VPS41: variants seen among roughly 807,000 people sequenced by gnomAD.
VPS41 encodes vacuolar protein sorting-associated protein 41 homolog.
Under a neutral mutation model 130.9 loss-of-function variants are expected in VPS41, and 85 were observed. The observed-to-expected ratio is 0.65, with a 90% confidence interval of 0.55 to 0.78. VPS41 has a LOEUF of 0.78. Ranked by LOEUF, VPS41 falls within the 30% of genes least tolerant of loss-of-function variation. VPS41 has a pLI of 0.00. For synonymous variants in VPS41, 335 were observed against 332.9 expected (o/e 1.01, Z -0.07); for missense variants, 874 against 1,018.7 (o/e 0.86, Z 1.93).
chr7:38,884,832 C>T (rs1786688315), intron 2 of VPS41, among the ~76,000 whole-genome samples: 2 of 152,180 alleles, frequency 1.3e-5, no homozygotes, highest in African/African-American at 4.8e-5. Context: ...AAGCAGACCT[C>T]AAAACACTTC....
intron 17 of VPS41, among the ~76,000 whole-genome samples, chr7:38,758,967 T>C (rs2115748119): frequency 6.6e-6 from 1 of 152,358 alleles, no homozygotes; most frequent in Admixed American, 6.5e-5. Flanking sequence ...TACCTTGCCC[T>C]CTGCATCTAA....
intron 22 of VPS41, among the ~76,000 whole-genome samples, chr7:38,748,843 T>C (rs1256295426): frequency 6.6e-6 from 1 of 152,158 alleles, no homozygotes; most frequent in East Asian, 1.9e-4. Flanking sequence ...GTTCTAAGTC[T>C]TGGTCCCTCA....
intron 22 of VPS41, chr7:38,745,923 A>T: frequency 3.6e-6 from 1 of 279,498 alleles, no homozygotes; most frequent in Non-Finnish European, 6.7e-6. Flanking sequence ...TCTTTACACT[A>T]CTTCAGGTTT....
Position 38,726,926 on chromosome 7 carries a change from G to T in VPS41, c.2467C>A (p.Leu823Met). Residue 823 changes from leucine to methionine, a missense_variant, in exon 28 of 29, where the codon CTG (leucine) becomes ATG (methionine). Transcript: ENST00000310301. ...HCRHMFHKECLPMPSMNSAAQ... is the reference protein window; with the variant it reads ...HCRHMFHKECMPMPSMNSAAQ... ...CAACTCACCATGCTGGGCATGGGCA[G>T]GCACTCCTTGTGGAACATGTGCCGG... 2 of 1,585,100 alleles carry T rather than the reference G, an allele frequency of 1.3e-6. No homozygotes were observed. Among genetic ancestry groups the T allele is most frequent in the Non-Finnish European group, 1.7e-6 (2 of 1,165,674 alleles).
At chr7:38,738,750 A>ACT (rs1795823415) in intron 25 of VPS41, among the ~76,000 whole-genome samples, 1 of 152,226 alleles carries the variant, frequency 6.6e-6, no homozygotes, top group Admixed American at 6.5e-5. Context: ...AATACATGCC[A>ACT]CTTGCATCTT....
chr7:38,817,942 A>C, intron 6 of VPS41, 60 bp from the exon 7 acceptor site: 1 of 1,292,536 alleles, frequency 7.7e-7, no homozygotes, highest in Non-Finnish European at 1.1e-6. Flanking sequence ...ACAGAATGAA[A>C]ACCCCTGACA....
At chr7:38,732,050 A>G (rs144918746) in intron 25 of VPS41, among the ~76,000 whole-genome samples, 144 of 152,308 alleles carry the variant, frequency 9.5e-4, no homozygotes, top group African/African-American at 3.4e-3. Flanking sequence ...AAGCCTGGGA[A>G]AGCAGCCCTT....
In VPS41 at chr7:38,898,106, A is replaced by G. The variant is rs1309308244; in HGVS notation, c.45T>C (p.Ser15=). The G allele has an allele frequency of 1.9e-6, 3 of 1,613,686 alleles. No individual in the cohort carries two copies. Among genetic ancestry groups the G allele is most frequent in the Non-Finnish European group, 2.5e-6 (3 of 1,179,766 alleles). The change falls in exon 2 of 29, where the codon TCT becomes TCC. Residue 15 remains serine (S), a synonymous_variant. Transcript: ENST00000310301. ...ACCACCTTACCTCAGACTCATCTGT[A>G]GATTCTTCAAGGGACCCAGTTTCCT... ...EEQETGSLEE[S]TDESEEEESE...
chr7:38,841,813 A>T (rs1250179936), intron 4 of VPS41, among the ~76,000 whole-genome samples: 1 of 152,218 alleles, frequency 6.6e-6, no homozygotes, highest in African/African-American at 2.4e-5. Flanking sequence ...CATGTTGGTC[A>T]GGCTGGTCTC....
At chr7:38,818,244 C>CAA (rs1295553305) in intron 6 of VPS41, among the ~76,000 whole-genome samples, 2 of 69,294 alleles carry the variant, frequency 2.9e-5, no homozygotes, top group African/African-American at 7.1e-5. Context: ...TTACAGAAAA[C>CAA]AAAACAAAAA....
intron 11 of VPS41, among the ~76,000 whole-genome samples, chr7:38,776,446 G>A (rs1784259364): frequency 6.6e-6 from 1 of 151,952 alleles, no homozygotes; most frequent in Admixed American, 6.5e-5. Flanking sequence ...ACCAAGAGAG[G>A]TCGAAAAAAA....
chr7:38,783,332 C>T (rs1015111054), intron 10 of VPS41, among the ~76,000 whole-genome samples: 3 of 151,904 alleles, frequency 2.0e-5, no homozygotes, highest in Non-Finnish European at 4.4e-5. Flanking sequence ...GTCAGGAGCT[C>T]AAGACCAGCC....
intron 2 of VPS41, among the ~76,000 whole-genome samples, chr7:38,883,565 ATTTAAG>A (rs2116388185): frequency 1.3e-5 from 2 of 152,246 alleles, no homozygotes; most frequent in South Asian, 4.1e-4. Flanking sequence ...TTTATTATAT[ATTTAAG>A]TTTTTTTGTT....
chr7:38,763,460 A>C lies in VPS41; in HGVS notation c.1417T>G (p.Tyr473Asp). 1.3e-6 allele frequency: 2 copies of C among 1,598,572 alleles called. No homozygotes were observed. The highest frequency in any genetic ancestry group is 8.5e-7 in the Non-Finnish European group (1 of 1,172,636). Residue 473 changes from tyrosine to aspartate, a missense_variant, in exon 17 of 29, where the codon TAT (tyrosine) becomes GAT (aspartate). Physicochemically the swap from Tyr to Asp is radical, Grantham distance 160. Transcript: ENST00000310301. ...ACCACATCAGAACACCATACCTCATAATCACTCTCCAAAAATTCATGTAAG... is the reference window on the plus strand; with the variant it reads ...ACCACATCAGAACACCATACCTCATCATCACTCTCCAAAAATTCATGTAAG... ...MILHEFLESD[Y>D]EGFATLIREW...
chr7:38,909,033 C>G, intron 1 of VPS41, 121 bp downstream of exon 1: 1 of 1,225,416 alleles, frequency 8.2e-7, no homozygotes, highest in Non-Finnish European at 1.2e-6. Context: ...CGCCCTGCCG[C>G]GGACCTGCCT....
chr7:38,735,925 G>A (rs2079322), intron 25 of VPS41, among the ~76,000 whole-genome samples: 1 of 152,126 alleles, frequency 6.6e-6, no homozygotes, highest in Admixed American at 6.5e-5. Flanking sequence ...CAGGGCAGGG[G>A]AGGGAAGGGA....
intron 2 of VPS41, among the ~76,000 whole-genome samples, chr7:38,870,738 T>TAAA (rs1786334268): frequency 4.4e-5 from 3 of 68,496 alleles, no homozygotes; most frequent in Non-Finnish European, 6.8e-5. Flanking sequence ...GACTATATGT[T>TAAA]CAAAAAAAAA....
At chr7:38,847,965 C>A (rs1785764099) in intron 4 of VPS41, among the ~76,000 whole-genome samples, 1 of 152,062 alleles carries the variant, frequency 6.6e-6, no homozygotes, top group African/African-American at 2.4e-5. Flanking sequence ...AGTTATTAAC[C>A]AAAGAGAAAA....
At chr7:38,794,649 C>G (rs1322001865) in intron 9 of VPS41, among the ~76,000 whole-genome samples, 1 of 152,230 alleles carries the variant, frequency 6.6e-6, no homozygotes, top group Non-Finnish European at 1.5e-5. Flanking sequence ...GTAAGGCTCA[C>G]AGAGGATCCC....
Sources: gnomAD v4.1 joint callset for allele counts (sites outside exome capture counted in the v4.1 genomes callset) on GRCh38, gnomAD v4.1.1 for gene constraint, MANE v1.5 for transcripts, NCBI Gene and HGNC (gene_info 2026-07-23, HGNC 2026-07-21) for gene names.